Variants in PCDHGA4 observed in about 807,000 individuals in gnomAD.
PCDHGA4 encodes the protein protocadherin gamma subfamily A, 4, also known as protocadherin gamma-A4.
PCDHGA4 carries 38 observed loss-of-function variants against 54.6 expected under a neutral mutation model. That is an observed-to-expected ratio of 0.70 (90% confidence interval 0.54 to 0.91). The LOEUF is 0.91. Among genes scored for constraint, PCDHGA4 ranks in the 40% least tolerant of loss-of-function variants. The pLI is 0.00. For synonymous variants in PCDHGA4, 511 were observed against 512.9 expected (o/e 1.00, Z 0.05); for missense variants, 1,298 against 1,220.9 (o/e 1.06, Z -0.94).
At chr5:141,454,000 T>C (rs1048921374) in intron 1 of PCDHGA4, among the ~76,000 whole-genome samples, 2 of 152,214 alleles carry the variant, frequency 1.3e-5, no homozygotes, top group African/African-American at 4.8e-5. Flanking sequence ...TAAACCCACA[T>C]AACATTTTAG....
At chr5:141,482,048 G>T (rs375214441) in intron 1 of PCDHGA4, among the ~76,000 whole-genome samples, 12 of 150,156 alleles carry the variant, frequency 8.0e-5, no homozygotes, top group Middle Eastern at 6.9e-3. Flanking sequence ...TCATGCTGTT[G>T]CATTCCAGCC....
chr5:141,361,460 TCTC>T, intron 1 of PCDHGA4: 1 of 1,613,974 alleles, frequency 6.2e-7, no homozygotes, highest in East Asian at 2.2e-5. Flanking sequence ...ACCCTGCACA[TCTC>T]CGACGTCAAC....
intron 1 of PCDHGA4, chr5:141,376,679 T>A (rs1008866087): frequency 1.9e-6 from 1 of 528,242 alleles, no homozygotes; most frequent in Non-Finnish European, 2.9e-6. Context: ...GGGTATCGTT[T>A]TTTTTTTTTT....
intron 1 of PCDHGA4, among the ~76,000 whole-genome samples, chr5:141,460,445 G>A (rs896549154): frequency 7.2e-5 from 11 of 152,144 alleles, no homozygotes; most frequent in Admixed American, 5.9e-4. Flanking sequence ...AGGTAACAAT[G>A]AAGATTCATA....
chr5:141,460,848 C>T lies in PCDHGA4; in HGVS notation c.2515-33959C>T, dbSNP rs528601988. Among the ~76,000 whole-genome samples, 257 of 150,340 alleles carry T rather than the reference C, an allele frequency of 1.7e-3. 1 individual carries two copies. The highest frequency in any genetic ancestry group is 4.2e-3 in the Admixed American group (62 of 14,868). ...ACACTTAAAGTAATGGCCTCCAGTT[C>T]GATCCAAGTTGCTGCAAAGGACATT... is the stretch of plus-strand genomic sequence containing the variant. On this transcript the variant is annotated intron_variant, in intron 1 of 3. Transcript: ENST00000571252.
At chr5:141,509,319 G>A (rs1427191152) in intron 3 of PCDHGA4, among the ~76,000 whole-genome samples, 3 of 152,216 alleles carry the variant, frequency 2.0e-5, no homozygotes, top group African/African-American at 4.8e-5. Context: ...TGGGAGAGAA[G>A]CTCTACTGCC....
chr5:141,502,866 CTT>C (rs549047197), intron 2 of PCDHGA4, among the ~76,000 whole-genome samples: 3 of 127,996 alleles, frequency 2.3e-5, no homozygotes, highest in Admixed American at 8.6e-5. Flanking sequence ...GACTCTCTGT[CTT>C]TTTTTTTTTT....
intron 1 of PCDHGA4, chr5:141,441,088 G>A (rs1050261040): frequency 3.9e-5 from 6 of 152,162 alleles, no homozygotes; most frequent in African/African-American, 1.4e-4. Context: ...GGTAGCAAGT[G>A]ACAGAGAGGG....
Position 141,432,928 on chromosome 5 carries a change from C to T in PCDHGA4, c.2515-61879C>T, listed in dbSNP as rs1443097611. ...GGCTGCGGCGCTGGCACAAGTCACG[C>T]CTGCTGCAGGCTTCAGGAGGCGGCT... On this transcript the variant is annotated intron_variant, in intron 1 of 3. Transcript: ENST00000571252. This position sits in a 1 kb window ranked among gnomAD's most constrained non-coding sequence, Gnocchi z 6.0. 1.2e-6 allele frequency: 2 copies of T among 1,614,066 alleles called. No homozygotes were observed. Among genetic ancestry groups the T allele is most frequent in the African/African-American group, 1.3e-5 (1 of 74,942 alleles).
intron 1 of PCDHGA4, 72 bp from the exon 2 acceptor site, chr5:141,494,735 A>C: frequency 6.2e-7 from 1 of 1,610,712 alleles, no homozygotes; most frequent in Middle Eastern, 1.7e-4. Context: ...CTCCCGGCCC[A>C]TCCCTAGGGG....
intron 1 of PCDHGA4, chr5:141,362,513 A>T: frequency 3.1e-6 from 5 of 1,613,982 alleles, no homozygotes; most frequent in Non-Finnish European, 4.2e-6. Context: ...AATACAAATC[A>T]TGGAGCCGCT....
rs1157645386 is a variant in PCDHGA4 at position 141,477,622 on chromosome 5, A to C, written c.2515-17185A>C. On this transcript the variant is annotated intron_variant, in intron 1 of 3. Coordinates refer to ENST00000571252, the MANE Select transcript of PCDHGA4 (RefSeq NM_018917.4). This position sits in a 1 kb window ranked among gnomAD's most constrained non-coding sequence, Gnocchi z 4.9. ...TCTTTCTCTTGGAGCAAGGAGCTGA[A>C]ACCGGGCTAGTGGGTCGCTATTTCA... 1 of 1,614,108 alleles carries C rather than the reference A, an allele frequency of 6.2e-7. No homozygotes were observed. The highest frequency in any genetic ancestry group is 2.2e-5 in the East Asian group (1 of 44,904).
chr5:141,404,752 G>C, intron 1 of PCDHGA4: 1 of 1,614,010 alleles, frequency 6.2e-7, no homozygotes, highest in Non-Finnish European at 8.5e-7. Flanking sequence ...ACTCAGGCCA[G>C]AATGCTTGGC....
At chr5:141,421,679 C>T (rs1210753842) in intron 1 of PCDHGA4, 2 of 1,613,810 alleles carry the variant, frequency 1.2e-6, no homozygotes, top group Admixed American at 1.7e-5. Context: ...ATTCCTGGGG[C>T]GCGATTTGCT....
rs763840734 is a variant in PCDHGA4, at chr5:141,428,113, T to C, written c.2515-66694T>C. The stretch of plus-strand genomic sequence containing the variant: ...CTGTCCTACCACGTGCTGCAGGCCA[T>C]CGAGCCCGGGCTTTTCAGCCTGGGG... On this transcript the variant is annotated intron_variant, in intron 1 of 3. Transcript: ENST00000571252. 1.0e-5 allele frequency: 16 copies of C among 1,607,374 alleles called. No homozygotes were observed. In the African/African-American group the frequency reaches 1.9e-4, roughly 19 times the overall value.
intron 1 of PCDHGA4, chr5:141,419,776 C>T (rs965350189): frequency 1.2e-6 from 2 of 1,614,026 alleles, no homozygotes; most frequent in Admixed American, 1.7e-5. Context: ...ACTCGGTCCG[C>T]CAGCGCCTGC....
chr5:141,361,098 A>T (rs1345076438), intron 1 of PCDHGA4: 1 of 1,614,016 alleles, frequency 6.2e-7, no homozygotes, highest in Non-Finnish European at 8.5e-7. Flanking sequence ...GTATCGAAGC[A>T]AAAGATCCTG....
chr5:141,418,941 C>T, intron 1 of PCDHGA4: 1 of 1,614,034 alleles, frequency 6.2e-7, no homozygotes, highest in Non-Finnish European at 8.5e-7. Context: ...GAGGATTCCC[C>T]TCCAGGAGTG....
At chr5:141,381,342 T>C (rs931867398) in intron 1 of PCDHGA4, among the ~76,000 whole-genome samples, 3 of 152,254 alleles carry the variant, frequency 2.0e-5, no homozygotes, top group Non-Finnish European at 4.4e-5. Context: ...GAGCTTTCTT[T>C]TCTTTCTGCT....
Sources: gnomAD v4.1 joint callset for allele counts (sites outside exome capture counted in the v4.1 genomes callset) on GRCh38, gnomAD v4.1.1 for gene constraint, Gnocchi (gnomAD v3.1) non-coding constraint, MANE v1.5 for transcripts, NCBI Gene and HGNC (gene_info 2026-07-23, HGNC 2026-07-21) for gene names.